The following MICAL3 variants were observed in gnomAD, a reference collection of about 807,000 sequenced individuals.
MICAL3 encodes microtubule associated monooxygenase, calponin and LIM domain containing 3.
A neutral mutation model predicts 207.4 loss-of-function variants in MICAL3; 62 were observed. That is an observed-to-expected ratio of 0.30 (90% CI 0.24 to 0.37). The LOEUF (loss-of-function observed/expected upper bound fraction) is 0.37. MICAL3 is among the 10% of genes least tolerant of loss of function. The pLI is 1.00. For missense variants in MICAL3, 2,368 were observed against 2,635.6 expected (o/e 0.90, Z 2.22); for synonymous variants, 1,077 against 1,069.3 (o/e 1.01, Z -0.14).
intron 25 of MICAL3, among the ~76,000 whole-genome samples, chr22:17,819,983 A>C (rs189103447): frequency 6.7e-6 from 1 of 148,424 alleles, no homozygotes; most frequent in African/African-American, 2.5e-5. Context: ...CAATCAGTGA[A>C]CAGGCTAGGT....
chr22:17,949,180 A>T lies in MICAL3; in HGVS notation c.-74-42294T>A, dbSNP rs139205844. On this transcript the variant is annotated intron_variant, in intron 1 of 31. Transcript: ENST00000441493. Reference sequence around the variant, plus strand: ...AGCCAAGATCGTGCCACTGCACTCAAGCCTGGGTGACAGAGTGAGAAATTA... The same window carrying T: ...AGCCAAGATCGTGCCACTGCACTCATGCCTGGGTGACAGAGTGAGAAATTA... Among the ~76,000 whole-genome samples, 703 of 152,382 alleles carry T rather than the reference A, an allele frequency of 4.6e-3. 5 individuals are homozygous for T. The highest frequency in any genetic ancestry group is 0.016 in the African/African-American group (658 of 41,592).
At position 17,888,357 on chromosome 22, in the gene MICAL3, T is replaced by C. The variant is rs112859721; in HGVS notation, c.1891+677A>G. On this transcript the variant is annotated intron_variant, in intron 13 of 31. Transcript: ENST00000441493. ...CAATTAATGACAACAGGAATATTTT[T>C]TGTAGCACTATGAGAGCCTGAGACA... is the stretch of plus-strand genomic sequence containing the variant. 3.9e-3 allele frequency among the ~76,000 whole-genome samples: 598 copies of C among 152,306 alleles called. 4 individuals carry two copies. The highest frequency in any genetic ancestry group is 0.013 in the African/African-American group (557 of 41,550).
At chr22:17,946,199 T>A (rs866120183) in intron 1 of MICAL3, among the ~76,000 whole-genome samples, 38 of 152,286 alleles carry the variant, frequency 2.5e-4, no homozygotes, top group African/African-American at 8.7e-4. Flanking sequence ...CCGGAGCAGC[T>A]CTACCTGACC....
chr22:17,885,717 T>C (rs1929810251), intron 16 of MICAL3, among the ~76,000 whole-genome samples, 161 bp downstream of exon 16: 2 of 152,138 alleles, frequency 1.3e-5, no homozygotes, highest in South Asian at 2.1e-4. Context: ...GAAGCAAGCA[T>C]ATACAGGGCT....
chr22:17,802,059 C>CA lies in MICAL3; in HGVS notation c.5650+6784dup, dbSNP rs2061946172. 2.9e-5 allele frequency among the ~76,000 whole-genome samples: 4 copies of CA among 139,264 alleles called. No homozygotes were observed. In the South Asian group the frequency reaches 8.7e-4, roughly 30 times the overall value. 91.4% of individuals were successfully genotyped at this position (139,264 alleles called of 152,430 possible). A position where few individuals can be genotyped will look rare whatever the true frequency, so the allele number is the denominator to read the frequency against. ...CCTTCCAGGAGATTCTGAATGTAAA[C>CA]AATTTTTTTTTTTTTTTTTAAGAGA... On this transcript the variant is annotated intron_variant, in intron 29 of 31. Coordinates refer to ENST00000441493, the MANE Select transcript of MICAL3 (RefSeq NM_015241.3).
chr22:17,881,828 G>C lies in MICAL3; in HGVS notation c.2241+4050C>G, dbSNP rs533556279. On this transcript the variant is annotated intron_variant, in intron 16 of 31. Transcript: ENST00000441493. ...GGAAATGCAACAAAGGCAGGAGCATGATGTCAAAATTAAATGTGTCTCACT... is the reference window on the plus strand; with the variant it reads ...GGAAATGCAACAAAGGCAGGAGCATCATGTCAAAATTAAATGTGTCTCACT... 7.9e-5 allele frequency among the ~76,000 whole-genome samples: 12 copies of C among 152,300 alleles called. No homozygotes were observed. The East Asian group carries it at 1.9e-3, about 25-fold the overall frequency.
rs1486100787 is a variant in MICAL3 at position 18,024,366 on chromosome 22, C to A, written c.-160G>T. 1 of 152,282 alleles carries A rather than the reference C, an allele frequency of 6.6e-6. No individual in the cohort carries two copies. Among genetic ancestry groups the A allele is most frequent in the Non-Finnish European group, 1.5e-5 (1 of 68,100 alleles). 9.4% of individuals were successfully genotyped at this position (152,282 alleles called of 1,614,324 possible). A position where few individuals can be genotyped will look rare whatever the true frequency, so the allele number is the denominator to read the frequency against. ...GGTGGGTGCCCGCAGGGCACAGGTG[C>A]CGCCGTGGCTGCTCGCACAACCCCT... is the stretch of plus-strand genomic sequence containing the variant. On this transcript the variant is annotated 5_prime_UTR_variant, in exon 1 of 32. Transcript: ENST00000441493.
At chr22:17,961,006 A>C (rs892193106) in intron 1 of MICAL3, among the ~76,000 whole-genome samples, 1 of 152,054 alleles carries the variant, frequency 6.6e-6, no homozygotes, top group African/African-American at 2.4e-5. Flanking sequence ...CCACTGCAGG[A>C]GTCTGAGCAG....
Position 17,896,981 on chromosome 22 carries a change from C to A in MICAL3, c.949G>T (p.Asp317Tyr), listed in dbSNP as rs767967958. ...SLLDKGVILH[D>Y]YADTELLLSR... ...AGCAGGAGCTCTGTGTCGGCGTAGT[C>A]CTGTCTCCAGAGAAAGAGGAGGGTA... Residue 317 changes from aspartate to tyrosine, a missense_variant and splice_region_variant, in exon 8 of 32, where the codon GAC (aspartate) becomes TAC (tyrosine). Around this residue, in one of 4 missense-constraint regions of MICAL3, gnomAD observed 400 missense variants for 547.0 expected, o/e 0.73. Coordinates refer to ENST00000441493, the MANE Select transcript of MICAL3 (RefSeq NM_015241.3). 2 of 1,609,648 alleles carry A rather than the reference C, an allele frequency of 1.2e-6. No homozygotes were observed. The highest frequency in any genetic ancestry group is 1.7e-6 in the Non-Finnish European group (2 of 1,177,580).
At chr22:17,942,283 G>A (rs1436389441) in intron 1 of MICAL3, among the ~76,000 whole-genome samples, 1 of 152,052 alleles carries the variant, frequency 6.6e-6, no homozygotes, top group Non-Finnish European at 1.5e-5. Flanking sequence ...CAGCTGTAGA[G>A]TTTCCTCTCA....
At chr22:17,802,782 C>T (rs2061953202) in intron 29 of MICAL3, among the ~76,000 whole-genome samples, 1 of 152,052 alleles carries the variant, frequency 6.6e-6, no homozygotes, top group Admixed American at 6.5e-5. Context: ...GTTTGAAGAC[C>T]ACCTCTAGGC....
intron 1 of MICAL3, among the ~76,000 whole-genome samples, chr22:18,022,655 C>T (rs936080622): frequency 6.6e-6 from 1 of 152,190 alleles, no homozygotes; most frequent in Non-Finnish European, 1.5e-5. Flanking sequence ...TCTCCAACTC[C>T]TGGCCCCAAG....
chr22:17,821,617 C>G, intron 24 of MICAL3, 108 bp from the exon 25 acceptor site: 1 of 875,562 alleles, frequency 1.1e-6, no homozygotes, highest in Non-Finnish European at 1.8e-6. Flanking sequence ...GAGGGCGAGT[C>G]GCTGAGTCGG....
chr22:17,835,105 T>A (rs2146052130), intron 20 of MICAL3, among the ~76,000 whole-genome samples: 1 of 152,306 alleles, frequency 6.6e-6, no homozygotes, highest in Admixed American at 6.5e-5. Context: ...ACTGAATAGA[T>A]GCCCCGAGAT....
chr22:17,805,194 GATT>G (rs1569071748), intron 29 of MICAL3, among the ~76,000 whole-genome samples: 2 of 152,218 alleles, frequency 1.3e-5, no homozygotes, highest in Non-Finnish European at 2.9e-5. Context: ...GAAGACTCCA[GATT>G]ATTATCATGC....
At chr22:17,875,888 G>A (rs935078021) in intron 16 of MICAL3, among the ~76,000 whole-genome samples, 2 of 152,104 alleles carry the variant, frequency 1.3e-5, no homozygotes, top group African/African-American at 4.8e-5. Context: ...ATGGCTTGTC[G>A]ACTCACATGC....
intron 8 of MICAL3, 86 bp from the exon 9 acceptor site, chr22:17,896,447 G>C (rs1485126143): frequency 1.1e-6 from 1 of 876,270 alleles, no homozygotes. Context: ...AGAGTTTGCT[G>C]TCGACAGTAG....
At chr22:17,944,389 G>A (rs911504589) in intron 1 of MICAL3, among the ~76,000 whole-genome samples, 3 of 152,218 alleles carry the variant, frequency 2.0e-5, no homozygotes, top group African/African-American at 7.2e-5. Flanking sequence ...CAGGAGAGCA[G>A]GGGGTGAAGG....
chr22:17,846,707 T>C (rs1326943050), intron 19 of MICAL3, among the ~76,000 whole-genome samples: 4 of 152,212 alleles, frequency 2.6e-5, no homozygotes, highest in African/African-American at 9.6e-5. Context: ...CTACTCCACA[T>C]GCCTTAGTGC....
Sources: gnomAD v4.1 joint callset for allele counts (sites outside exome capture counted in the v4.1 genomes callset) on GRCh38, gnomAD v4.1.1 for gene constraint, gnomAD v4.1.1 regional missense constraint, MANE v1.5 for transcripts, NCBI Gene and HGNC (gene_info 2026-07-23, HGNC 2026-07-21) for gene names.